Variants in ZNF804A observed in about 807,000 individuals in gnomAD.
The protein encoded by ZNF804A is zinc finger protein 804A.
A neutral mutation model predicts 16.5 loss-of-function variants in ZNF804A; 2 were observed. That is an observed-to-expected ratio of 0.12 (90% confidence interval 0.05 to 0.38). The LOEUF is 0.38. Among genes scored for constraint, ZNF804A ranks in the 10% least tolerant of loss-of-function variants. The pLI, the probability that ZNF804A is intolerant of heterozygous loss-of-function variation, is 0.99. For synonymous variants in ZNF804A, 534 were observed against 489.6 expected, an observed-to-expected ratio of 1.09 and a Z score of -1.20; for missense variants, 1,473 against 1,390.7, an observed-to-expected ratio of 1.06 and a Z score of -0.94.
intron 1 of ZNF804A, among the ~76,000 whole-genome samples, chr2:184,703,675 G>GCAAGACTC (rs1209891232): frequency 2.8e-4 from 27 of 95,790 alleles, no homozygotes; most frequent in Middle Eastern, 0.011. Context: ...GGGCGACAGA[G>GCAAGACTC]CAAGACTCCG....
chr2:184,740,548 G>T (rs971107291), intron 1 of ZNF804A, among the ~76,000 whole-genome samples: 24 of 152,242 alleles, frequency 1.6e-4, no homozygotes, highest in African/African-American at 5.1e-4. Context: ...CTTTCCCTGT[G>T]ATTAAATAAA....
At chr2:184,659,118 G>T (rs956075560) in intron 1 of ZNF804A, among the ~76,000 whole-genome samples, 1 of 152,156 alleles carries the variant, frequency 6.6e-6, no homozygotes, top group African/African-American at 2.4e-5. Flanking sequence ...ACTGTGATTT[G>T]TTTAGGGAGA....
intron 1 of ZNF804A, among the ~76,000 whole-genome samples, chr2:184,838,976 G>A (rs1029132318): frequency 3.3e-5 from 5 of 152,080 alleles, no homozygotes; most frequent in African/African-American, 7.2e-5. Flanking sequence ...GCTAAAAGTT[G>A]TGTGTTGGTT....
chr2:184,716,007 G>A (rs1693207645), intron 1 of ZNF804A, among the ~76,000 whole-genome samples: 2 of 152,134 alleles, frequency 1.3e-5, no homozygotes, highest in Non-Finnish European at 2.9e-5. Context: ...CAACATTTGG[G>A]AGAATGAGCC....
At position 184,937,966 on chromosome 2, in the gene ZNF804A, T is replaced by C. The variant is rs1270742554; in HGVS notation, c.2570T>C (p.Met857Thr). 2 of 1,613,566 alleles carry C rather than the reference T, an allele frequency of 1.2e-6. No homozygotes were observed. The highest frequency in any genetic ancestry group is 1.7e-5 in the Admixed American group (1 of 59,866). ...RLISEDKKEK[M>T]KPQEVAKIER... The stretch of plus-strand genomic sequence containing the variant: ...ATAAGTGAAGACAAAAAAGAGAAAA[T>C]GAAACCACAAGAAGTTGCAAAAATC... Residue 857 changes from methionine (M) to threonine (T), a missense_variant, in exon 4 of 4, where the codon ATG becomes ACG. Physicochemically the swap from Met to Thr is moderately conservative, Grantham distance 81. Transcript: ENST00000302277.
At chr2:184,737,215 C>T (rs1025993864) in intron 1 of ZNF804A, among the ~76,000 whole-genome samples, 3 of 151,664 alleles carry the variant, frequency 2.0e-5, no homozygotes, top group African/African-American at 4.8e-5. Context: ...CGCCACCATG[C>T]CCGGTTAATT....
At chr2:184,826,535 T>C (rs777345972) in intron 1 of ZNF804A, among the ~76,000 whole-genome samples, 2 of 152,136 alleles carry the variant, frequency 1.3e-5, no homozygotes, top group African/African-American at 4.8e-5. Context: ...ATTTTAATGG[T>C]CTGCTAACCA....
intron 2 of ZNF804A, among the ~76,000 whole-genome samples, chr2:184,900,294 G>A (rs1393172676): frequency 2.6e-5 from 4 of 152,028 alleles, no homozygotes; most frequent in Non-Finnish European, 4.4e-5. Flanking sequence ...GATATATTTA[G>A]GTACAGTGCC....
Position 184,854,304 on chromosome 2 carries a change from A to G in ZNF804A, c.112-12065A>G, listed in dbSNP as rs77641482. Reference sequence around the variant, plus strand: ...CAATTTATTCAACATCCCCCAGGAAAAAACATCCAGCTTCTTGCAGCTGTG... The same window carrying G: ...CAATTTATTCAACATCCCCCAGGAAGAAACATCCAGCTTCTTGCAGCTGTG... On this transcript the variant is annotated intron_variant, in intron 1 of 3. Coordinates refer to ENST00000302277, the MANE Select transcript of ZNF804A (RefSeq NM_194250.2). 3.8e-3 allele frequency among the ~76,000 whole-genome samples: 572 copies of G among 152,128 alleles called. 1 individual carries two copies. The highest frequency in any genetic ancestry group is 6.7e-3 in the Non-Finnish European group (453 of 67,936).
At chr2:184,795,944 CG>C (rs1173311160) in intron 1 of ZNF804A, among the ~76,000 whole-genome samples, 1 of 147,934 alleles carries the variant, frequency 6.8e-6, no homozygotes, top group East Asian at 2.0e-4. Context: ...ATTACCATGT[CG>C]AATGCTTTTT....
chr2:184,774,268 A>C (rs1053966701), intron 1 of ZNF804A, among the ~76,000 whole-genome samples: 2 of 151,912 alleles, frequency 1.3e-5, no homozygotes, highest in East Asian at 3.9e-4. Flanking sequence ...TCTATTTGGT[A>C]AACTATATAA....
chr2:184,788,915 T>G (rs1295052649), intron 1 of ZNF804A, among the ~76,000 whole-genome samples: 3 of 152,190 alleles, frequency 2.0e-5, no homozygotes, highest in East Asian at 3.9e-4. Context: ...TTTGTCTCAG[T>G]TCCTGGGAGA....
In ZNF804A at chr2:184,640,473, A is replaced by G. The variant is rs574265897; in HGVS notation, c.111+41403A>G. Among the ~76,000 whole-genome samples the G allele has an allele frequency of 2.0e-5, 3 of 152,256 alleles. No individual in the cohort carries two copies. In the East Asian group the frequency reaches 5.8e-4, roughly 29 times the overall value. ...ATAATTTATTTTAGAATATAAAGGAACAGAAAACACTTCTTCACTTATTTT... is the reference window on the plus strand; with the variant it reads ...ATAATTTATTTTAGAATATAAAGGAGCAGAAAACACTTCTTCACTTATTTT... On this transcript the variant is annotated intron_variant, in intron 1 of 3. Coordinates refer to ENST00000302277, the MANE Select transcript of ZNF804A (RefSeq NM_194250.2).
intron 1 of ZNF804A, among the ~76,000 whole-genome samples, chr2:184,840,556 G>A (rs745954473): frequency 1.1e-4 from 16 of 151,862 alleles, no homozygotes; most frequent in African/African-American, 2.4e-4. Context: ...TAATTCAAAC[G>A]TCATATGCTG....
chr2:184,712,282 TG>T (rs1693142668), intron 1 of ZNF804A, among the ~76,000 whole-genome samples: 1 of 151,754 alleles, frequency 6.6e-6, no homozygotes, highest in Non-Finnish European at 1.5e-5. Flanking sequence ...TAATTTTTGG[TG>T]GGGAGTTTTA....
chr2:184,662,326 A>T (rs575498940), intron 1 of ZNF804A, among the ~76,000 whole-genome samples: 1 of 152,212 alleles, frequency 6.6e-6, no homozygotes. Context: ...ATGTAATAAT[A>T]GACTATATAC....
chr2:184,803,280 C>A (rs1409993790), intron 1 of ZNF804A, among the ~76,000 whole-genome samples: 1 of 152,062 alleles, frequency 6.6e-6, no homozygotes, highest in Non-Finnish European at 1.5e-5. Context: ...ATATTCTAGT[C>A]TCTTTAAATG....
intron 1 of ZNF804A, among the ~76,000 whole-genome samples, chr2:184,854,394 G>T (rs1016351619): frequency 7.3e-5 from 11 of 151,564 alleles, no homozygotes; most frequent in Admixed American, 2.0e-4. Context: ...GTAATAAAAT[G>T]ATATGCATGC....
At chr2:184,766,751 A>T (rs1694135767) in intron 1 of ZNF804A, among the ~76,000 whole-genome samples, 1 of 152,166 alleles carries the variant, frequency 6.6e-6, no homozygotes, top group African/African-American at 2.4e-5. Flanking sequence ...TCTCAAAGAG[A>T]TATTTGTACA....
Sources: gnomAD v4.1 joint callset for allele counts (sites outside exome capture counted in the v4.1 genomes callset) on GRCh38, gnomAD v4.1.1 for gene constraint, MANE v1.5 for transcripts, NCBI Gene and HGNC (gene_info 2026-07-23, HGNC 2026-07-21) for gene names.